The following CSNK1A1 variants were observed in gnomAD, a reference collection of about 807,000 sequenced individuals.
CSNK1A1 encodes the protein casein kinase I isoform alpha.
In CSNK1A1, 7 loss-of-function variants were observed where a neutral mutation model predicts 46.1. That is an observed-to-expected ratio of 0.15 (90% CI 0.09 to 0.29). The LOEUF is 0.29. Ranked by LOEUF, CSNK1A1 falls within the 10% of genes least tolerant of loss-of-function variation. The probability of loss-of-function intolerance (pLI) is 1.00; values close to 1 mark genes in which losing one functional copy is unlikely to be tolerated. For synonymous variants in CSNK1A1, 137 were observed against 141.5 expected, an observed-to-expected ratio of 0.97 and a Z score of 0.23; for missense variants, 96 against 417.1, an observed-to-expected ratio of 0.23 and a Z score of 6.71.
At chr5:149,530,142 T>C (rs1203875892) in intron 2 of CSNK1A1, among the ~76,000 whole-genome samples, 1 of 151,758 alleles carries the variant, frequency 6.6e-6, no homozygotes, top group Admixed American at 6.6e-5. Flanking sequence ...ATTAACTTAA[T>C]TAGGGGCAAT....
At position 149,513,337 on chromosome 5, in the gene CSNK1A1, A is replaced by G. The variant is rs185400980; in HGVS notation, c.457-128T>C. 9.2e-4 allele frequency: 815 copies of G among 889,168 alleles called. 6 individuals carry two copies. Among genetic ancestry groups the G allele is most frequent in the Admixed American group, 3.6e-3 (122 of 34,270 alleles). 55.1% of individuals were successfully genotyped at this position (889,168 alleles called of 1,614,324 possible). On this transcript the variant is annotated intron_variant, in intron 4 of 9. Transcript: ENST00000377843. ...AATAAAGTATCCTAAGTATTAATAG[A>G]ACAGATAATGAACAGACTTAACACC...
At chr5:149,499,202 T>C in intron 9 of CSNK1A1, 1 of 984,920 alleles carries the variant, frequency 1.0e-6, no homozygotes, top group African/African-American at 1.7e-5. Flanking sequence ...GTTTTTATCT[T>C]GCAGATTAGG....
chr5:149,521,766 G>A (rs909953017), intron 3 of CSNK1A1, among the ~76,000 whole-genome samples: 2 of 151,948 alleles, frequency 1.3e-5, no homozygotes, highest in African/African-American at 4.8e-5. Context: ...ACAGGCACCC[G>A]CCACATGCCT....
intron 2 of CSNK1A1, chr5:149,545,574 G>C: frequency 1.4e-6 from 1 of 735,698 alleles, no homozygotes. Flanking sequence ...AATCGAGTTC[G>C]CAGCTGACAC....
intron 2 of CSNK1A1, among the ~76,000 whole-genome samples, chr5:149,526,144 T>C (rs1485732423): frequency 2.0e-5 from 3 of 152,134 alleles, no homozygotes; most frequent in African/African-American, 7.2e-5. Context: ...TTTATTTATT[T>C]ATTCATTTAT....
At chr5:149,542,611 T>TAC (rs1762284327) in intron 2 of CSNK1A1, among the ~76,000 whole-genome samples, 3 of 12,288 alleles carry the variant, frequency 2.4e-4, no homozygotes, top group East Asian at 3.4e-3. Flanking sequence ...TATATATATA[T>TAC]ATATATATAT....
At chr5:149,531,693 C>CAAAAAAAAAAAA (rs60488526) in intron 2 of CSNK1A1, among the ~76,000 whole-genome samples, 1 of 136,666 alleles carries the variant, frequency 7.3e-6, no homozygotes, top group African/African-American at 2.6e-5. Flanking sequence ...ACTAAAAATA[C>CAAAAAAAAAAAA]AAAAAAAAAA....
intron 9 of CSNK1A1, chr5:149,503,966 G>T (rs912203903): frequency 2.0e-6 from 2 of 985,304 alleles, no homozygotes; most frequent in Non-Finnish European, 2.4e-6. Context: ...GTTGTCAGGT[G>T]TAACAAGTCC....
At chr5:149,533,537 A>G (rs1214772067) in intron 2 of CSNK1A1, among the ~76,000 whole-genome samples, 2 of 152,170 alleles carry the variant, frequency 1.3e-5, no homozygotes, top group African/African-American at 4.8e-5. Context: ...TTTCTTCTTC[A>G]GGTAATTTTT....
intron 2 of CSNK1A1, among the ~76,000 whole-genome samples, chr5:149,545,160 T>G (rs1482239296): frequency 6.6e-6 from 1 of 151,432 alleles, no homozygotes; most frequent in Non-Finnish European, 1.5e-5. Context: ...GGGAGTGGGC[T>G]GGGGTTCAGT....
At chr5:149,501,587 C>A (rs2113053931) in intron 9 of CSNK1A1, 1 of 985,090 alleles carries the variant, frequency 1.0e-6, no homozygotes, top group Middle Eastern at 5.2e-4. Context: ...ACTTTGAGAG[C>A]TGTCTATATT....
intron 2 of CSNK1A1, among the ~76,000 whole-genome samples, chr5:149,532,188 G>C (rs534216443): frequency 1.8e-4 from 27 of 152,108 alleles, no homozygotes; most frequent in African/African-American, 6.5e-4. Context: ...CCTACACTCT[G>C]CTTATTAATG....
rs181781502 is a variant in CSNK1A1 at position 149,498,171 on chromosome 5, G to A, written c.1007-1311C>T. 1.2e-5 allele frequency: 12 copies of A among 985,230 alleles called. No homozygotes were observed. In the Admixed American group the frequency reaches 5.5e-4, roughly 45 times the overall value. The allele number at this position is 985,230 out of a possible 1,614,324, so 61.0% of individuals were successfully genotyped here. A position where few individuals can be genotyped will look rare whatever the true frequency, so the allele number is the denominator to read the frequency against. ...AACATTTGTTGGGCCATCTCCCATG[G>A]GCTTTGTGGGAGAAACAAAATAATT... On this transcript the variant is annotated intron_variant, in intron 9 of 9. Transcript: ENST00000377843.
intron 2 of CSNK1A1, among the ~76,000 whole-genome samples, chr5:149,540,275 A>T (rs936018701): frequency 6.6e-6 from 1 of 152,160 alleles, no homozygotes; most frequent in Non-Finnish European, 1.5e-5. Flanking sequence ...CTCATAATAC[A>T]ATGCTCTTTC....
chr5:149,523,949 C>T (rs1473363304), intron 3 of CSNK1A1, among the ~76,000 whole-genome samples: 1 of 152,180 alleles, frequency 6.6e-6, no homozygotes, highest in Non-Finnish European at 1.5e-5. Context: ...TAACCTACTT[C>T]TCTTCATCCC....
chr5:149,547,964 G>A (rs976296120), intron 2 of CSNK1A1, among the ~76,000 whole-genome samples: 1 of 151,782 alleles, frequency 6.6e-6, no homozygotes, highest in African/African-American at 2.4e-5. Flanking sequence ...TCCGACTCCC[G>A]GGTTCAAGCT....
At position 149,494,714 on chromosome 5, in the gene CSNK1A1, T is replaced by C. The variant is rs1760607143; in HGVS notation, c.*2139A>G. 1 of 152,230 alleles carries C rather than the reference T, an allele frequency of 6.6e-6. No homozygotes were observed. The highest frequency in any genetic ancestry group is 1.5e-5 in the Non-Finnish European group (1 of 68,050). The allele number at this position is 152,230 out of a possible 1,614,324, so 9.4% of individuals were successfully genotyped here. On this transcript the variant is annotated 3_prime_UTR_variant, in exon 10 of 10. Transcript: ENST00000377843. ...AGATCAATGGGATTCCAGCTCCAGCTGCAGATGGAATGACGATATACCAGG... is the reference window on the plus strand; with the variant it reads ...AGATCAATGGGATTCCAGCTCCAGCCGCAGATGGAATGACGATATACCAGG...
At chr5:149,545,641 G>T in intron 2 of CSNK1A1, 1 of 903,130 alleles carries the variant, frequency 1.1e-6, no homozygotes, top group Non-Finnish European at 1.8e-6. Context: ...GCTAGCCTCA[G>T]CAAGTGCACT....
rs1018055194 is a variant in CSNK1A1 at position 149,550,392 on chromosome 5, T to G, written c.124-211A>C. On this transcript the variant is annotated intron_variant, in intron 1 of 9. Coordinates refer to ENST00000377843, the MANE Select transcript of CSNK1A1 (RefSeq NM_001892.6). This position sits in a 1 kb window ranked among gnomAD's most constrained non-coding sequence, Gnocchi z 4.3. ...GACGAAATCCGTACGTCCTCTAAAG[T>G]GCAGGAAAATGATTCATCCAGAAAA... The G allele has an allele frequency of 7.5e-7, 1 of 1,338,538 alleles. No individual in the cohort carries two copies. Among genetic ancestry groups the G allele is most frequent in the East Asian group, 2.9e-5 (1 of 34,978 alleles). The allele number at this position is 1,338,538 out of a possible 1,614,324, so 82.9% of individuals were successfully genotyped here. A position where few individuals can be genotyped will look rare whatever the true frequency, so the allele number is the denominator to read the frequency against.
Sources: allele counts gnomAD v4.1 joint callset (sites outside exome capture counted in the v4.1 genomes callset), GRCh38; gene constraint gnomAD v4.1.1; non-coding constraint Gnocchi (gnomAD v3.1); transcripts MANE v1.5; gene names NCBI Gene and HGNC (gene_info 2026-07-23, HGNC 2026-07-21).